DNAJC19: variants seen among roughly 807,000 people sequenced by gnomAD.
DNAJC19 encodes mitochondrial import inner membrane translocase subunit TIM14.
Under a neutral mutation model 19.8 loss-of-function variants are expected in DNAJC19, and 15 were observed. The ratio of observed to expected loss-of-function variants is 0.76; its 90% CI spans 0.51 to 1.17. DNAJC19 has a LOEUF of 1.17. Ranked by LOEUF, DNAJC19 falls within the 50% of genes most tolerant of loss-of-function variation. The probability of loss-of-function intolerance (pLI) is 0.00; values close to 1 mark genes in which losing one functional copy is unlikely to be tolerated. For synonymous variants in DNAJC19, 38 were observed against 42.1 expected (o/e 0.90, Z 0.38); for missense variants, 105 against 140.9 (o/e 0.75, Z 1.29).
Position 180,988,356 on chromosome 3 carries a change from T to TTC in DNAJC19, c.4-128_4-127insGA, listed in dbSNP as rs1553783513. On this transcript the variant is annotated intron_variant, in intron 1 of 5. Transcript: ENST00000382564. ...AGGAGAAACAACTTTTTTTTTTCTT[T>TTC]TTTTTTTTTTTTTTTTAAGAGACGG... 1.7e-4 allele frequency: 133 copies of TTC among 769,776 alleles called. No homozygotes were observed. In the African/African-American group the frequency reaches 1.9e-3, roughly 11 times the overall value. The allele number at this position is 769,776 out of a possible 1,614,324, so 47.7% of individuals were successfully genotyped here.
chr3:180,986,083 T>C, intron 4 of DNAJC19, 87 bp from the exon 5 acceptor site: 2 of 1,059,988 alleles, frequency 1.9e-6, no homozygotes, highest in Non-Finnish European at 2.9e-6. Flanking sequence ...AAAGACACTG[T>C]GAAACTGTAG....
Position 180,984,096 on chromosome 3 carries a change from TAC to T in DNAJC19, c.*542_*543del, listed in dbSNP as rs148074891. The T allele has an allele frequency of 5.0e-5, 21 of 417,860 alleles. No individual in the cohort carries two copies. The highest frequency in any genetic ancestry group is 1.0e-4 in the Admixed American group (4 of 39,930). 25.9% of individuals were successfully genotyped at this position (417,860 alleles called of 1,614,324 possible). On this transcript the variant is annotated 3_prime_UTR_variant, in exon 6 of 6. Coordinates refer to ENST00000382564, the MANE Select transcript of DNAJC19 (RefSeq NM_145261.4). ...AAAAATGGTTTATATGTACATAGAA[TAC>T]ACACACACACACACCCCTAGGTCAA...
chr3:180,986,286 G>GTTT lies in DNAJC19; in HGVS notation c.210-293_210-291dup, dbSNP rs138755965. Reference sequence around the variant, plus strand: ...TTGAAAATGAAGAAGGAAGAGTTTTGTTTTTTTTTTTTTTTGAGATAGTCT... The same window carrying GTTT: ...TTGAAAATGAAGAAGGAAGAGTTTTGTTTTTTTTTTTTTTTTTTGAGATAGTCT... On this transcript the variant is annotated intron_variant, in intron 4 of 5. Coordinates refer to ENST00000382564, the MANE Select transcript of DNAJC19 (RefSeq NM_145261.4). 7.9e-5 allele frequency among the ~76,000 whole-genome samples: 11 copies of GTTT among 138,606 alleles called. No individual in the cohort carries two copies. The East Asian group carries it at 1.5e-3, about 19-fold the overall frequency. The allele number at this position is 138,606 out of a possible 152,430, so 90.9% of individuals were successfully genotyped here.
At chr3:180,988,607 G>A (rs1478177927) in intron 1 of DNAJC19, among the ~76,000 whole-genome samples, 5 of 151,938 alleles carry the variant, frequency 3.3e-5, no homozygotes, top group South Asian at 2.1e-4. Context: ...GGGCAAGTTC[G>A]ACTTGCTTAT....
Position 180,984,422 on chromosome 3 carries a change from CAGA to C in DNAJC19, c.*215_*217del. 5 of 570,098 alleles carry C rather than the reference CAGA, an allele frequency of 8.8e-6. No homozygotes were observed. The highest frequency in any genetic ancestry group is 3.7e-5 in the African/African-American group (2 of 54,112). The allele number at this position is 570,098 out of a possible 1,614,324, so 35.3% of individuals were successfully genotyped here. On this transcript the variant is annotated 3_prime_UTR_variant, in exon 6 of 6. Coordinates refer to ENST00000382564, the MANE Select transcript of DNAJC19 (RefSeq NM_145261.4). ...ATGAGTAATGAACAATATTTCTATTCAGAAGGTGTGTGCTTGCCCATAATTAAT... is the reference window on the plus strand; with the variant it reads ...ATGAGTAATGAACAATATTTCTATTCAGGTGTGTGCTTGCCCATAATTAAT...
At chr3:180,985,868 C>A in intron 5 of DNAJC19, 58 bp downstream of exon 5, 2 of 1,397,606 alleles carry the variant, frequency 1.4e-6, no homozygotes, top group Non-Finnish European at 2.0e-6. Context: ...ATAAAATTAT[C>A]CCATTAATAA....
rs1014870228 is a variant in DNAJC19, at chr3:180,989,403, G to A, written c.3+197C>T. 5.6e-6 allele frequency: 8 copies of A among 1,440,228 alleles called. No homozygotes were observed. In the African/African-American group the frequency reaches 1.0e-4, roughly 18 times the overall value. The allele number at this position is 1,440,228 out of a possible 1,614,324, so 89.2% of individuals were successfully genotyped here. Reference sequence around the variant, plus strand: ...AAGAAGCTGGAGAACCGTGCAGAAAGACGATGTAAAAACACAAACCCCCAA... The same window carrying A: ...AAGAAGCTGGAGAACCGTGCAGAAAAACGATGTAAAAACACAAACCCCCAA... On this transcript the variant is annotated intron_variant, in intron 1 of 5. Transcript: ENST00000382564.
Position 180,984,505 on chromosome 3 carries a change from A to T in DNAJC19, c.*135T>A. 1.4e-6 allele frequency: 1 copy of T among 709,528 alleles called. No homozygotes were observed. Among genetic ancestry groups the T allele is most frequent in the Non-Finnish European group, 2.5e-6 (1 of 397,562 alleles). The allele number at this position is 709,528 out of a possible 1,614,324, so 44.0% of individuals were successfully genotyped here. ...TAAAATCCCCAAATTTAAACAAGAA[A>T]ATTATACCAAGGCTTTGAGATTTAG... On this transcript the variant is annotated 3_prime_UTR_variant, in exon 6 of 6. Coordinates refer to ENST00000382564, the MANE Select transcript of DNAJC19 (RefSeq NM_145261.4).
Position 180,984,457 on chromosome 3 carries a change from A to G in DNAJC19, c.*183T>C. On this transcript the variant is annotated 3_prime_UTR_variant, in exon 6 of 6. Coordinates refer to ENST00000382564, the MANE Select transcript of DNAJC19 (RefSeq NM_145261.4). ...GTGCTTGCCCATAATTAATACGCAA[A>G]TATTCTAAACTATAATCTGATTTAA... 1 of 628,068 alleles carries G rather than the reference A, an allele frequency of 1.6e-6. No individual in the cohort carries two copies. The highest frequency in any genetic ancestry group is 3.0e-6 in the Non-Finnish European group (1 of 331,180). 38.9% of individuals were successfully genotyped at this position (628,068 alleles called of 1,614,324 possible).
intron 4 of DNAJC19, chr3:180,986,658 T>C (rs896669044): frequency 1.2e-4 from 48 of 384,886 alleles, no homozygotes; most frequent in Non-Finnish European, 1.9e-4. Context: ...TGCTGAGGAG[T>C]CTATCTTTAA....
intron 4 of DNAJC19, among the ~76,000 whole-genome samples, chr3:180,986,442 T>C (rs1714915745): frequency 1.3e-5 from 2 of 152,170 alleles, no homozygotes; most frequent in East Asian, 1.9e-4. Context: ...CCATTACGCC[T>C]GGCTAATTTT....
chr3:180,989,434 C>A, intron 1 of DNAJC19, 166 bp downstream of exon 1: 1 of 1,468,080 alleles, frequency 6.8e-7, no homozygotes, highest in South Asian at 1.4e-5. Context: ...CCCAAGAGAG[C>A]GAGCCAACAG....
chr3:180,987,587 C>T, intron 3 of DNAJC19: 2 of 280,742 alleles, frequency 7.1e-6, no homozygotes, highest in South Asian at 3.9e-5. Flanking sequence ...AGAGTATGAC[C>T]ATAACATCAA....
intron 4 of DNAJC19, 110 bp downstream of exon 4, chr3:180,986,833 G>T: frequency 1.1e-6 from 1 of 906,150 alleles, no homozygotes; most frequent in Non-Finnish European, 1.8e-6. Flanking sequence ...ATCTTCCTAG[G>T]ACAAAATCCC....
chr3:180,984,558 T>C lies in DNAJC19; in HGVS notation c.*82A>G. The C allele has an allele frequency of 1.1e-6, 1 of 924,166 alleles. No individual in the cohort carries two copies. Among genetic ancestry groups the C allele is most frequent in the Non-Finnish European group, 1.7e-6 (1 of 590,846 alleles). 57.2% of individuals were successfully genotyped at this position (924,166 alleles called of 1,614,324 possible). ...TGTGCTAAATCATTTTTTAAAATTG[T>C]AGCTCTGAGGCATTTTATTATAAAA... On this transcript the variant is annotated 3_prime_UTR_variant, in exon 6 of 6. Coordinates refer to ENST00000382564, the MANE Select transcript of DNAJC19 (RefSeq NM_145261.4).
intron 5 of DNAJC19, 52 bp from the exon 6 acceptor site, chr3:180,984,762 C>T: frequency 7.3e-7 from 1 of 1,366,136 alleles, no homozygotes; most frequent in Non-Finnish European, 1.0e-6. Context: ...TCAATTTCTG[C>T]TTGGTAAAAA....
chr3:180,986,725 T>C (rs1414228465), intron 4 of DNAJC19: 1 of 550,146 alleles, frequency 1.8e-6, no homozygotes, highest in South Asian at 2.5e-5. Flanking sequence ...GAAAAAGTGC[T>C]TAAGTGCTAG....
intron 5 of DNAJC19, 110 bp downstream of exon 5, chr3:180,985,816 T>TA (rs1352899258): frequency 1.3e-5 from 12 of 941,484 alleles, no homozygotes; most frequent in Non-Finnish European, 2.0e-5. Flanking sequence ...AGACAGGACT[T>TA]ACAGATTTAA....
At position 180,984,122 on chromosome 3, in the gene DNAJC19, A is replaced by T; in HGVS notation, c.*518T>A. The T allele has an allele frequency of 2.2e-6, 1 of 454,012 alleles. No homozygotes were observed. The allele number at this position is 454,012 out of a possible 1,614,324, so 28.1% of individuals were successfully genotyped here. A position where few individuals can be genotyped will look rare whatever the true frequency, so the allele number is the denominator to read the frequency against. ...ACACACACACACACACCCCTAGGTC[A>T]ATTTCTTAGGTCTCAGTTGTGGTTA... On this transcript the variant is annotated 3_prime_UTR_variant, in exon 6 of 6. Coordinates refer to ENST00000382564, the MANE Select transcript of DNAJC19 (RefSeq NM_145261.4).
Sources: gnomAD v4.1 joint callset for allele counts (sites outside exome capture counted in the v4.1 genomes callset) on GRCh38, gnomAD v4.1.1 for gene constraint, MANE v1.5 for transcripts, NCBI Gene and HGNC (gene_info 2026-07-23, HGNC 2026-07-21) for gene names.